Variants in BMP5 observed in about 807,000 individuals in gnomAD.
The protein encoded by BMP5 is bone morphogenetic protein 5.
Under a neutral mutation model 46.6 loss-of-function variants are expected in BMP5, and 23 were observed. The observed-to-expected ratio is 0.49, with a 90% CI of 0.35 to 0.70. BMP5 has a LOEUF of 0.70. Among genes scored for constraint, BMP5 ranks in the 30% least tolerant of loss-of-function variants. The probability of loss-of-function intolerance (pLI) is 0.00; values close to 1 mark genes in which losing one functional copy is unlikely to be tolerated. For synonymous variants in BMP5, 204 were observed against 191.9 expected, an observed-to-expected ratio of 1.06 and a Z score of -0.52; for missense variants, 545 against 565.6, an observed-to-expected ratio of 0.96 and a Z score of 0.37.
chr6:55,872,530 A>C (rs1371839949), intron 1 of BMP5, among the ~76,000 whole-genome samples: 1 of 151,682 alleles, frequency 6.6e-6, no homozygotes, highest in Non-Finnish European at 1.5e-5. Context: ...CTCAATAATA[A>C]AAAAGTTATA....
chr6:55,758,217 C>T (rs961389923), intron 6 of BMP5, among the ~76,000 whole-genome samples: 10 of 151,794 alleles, frequency 6.6e-5, no homozygotes, highest in African/African-American at 2.2e-4. Context: ...TTTATATTAG[C>T]CCAAACATTG....
intron 2 of BMP5, among the ~76,000 whole-genome samples, chr6:55,812,664 A>G (rs754667658): frequency 1.3e-5 from 2 of 152,220 alleles, no homozygotes; most frequent in African/African-American, 4.8e-5. Context: ...TTTAACTGAA[A>G]ATACGAAGTA....
intron 1 of BMP5, among the ~76,000 whole-genome samples, chr6:55,836,129 A>G (rs1223411436): frequency 6.6e-6 from 1 of 152,196 alleles, no homozygotes; most frequent in Non-Finnish European, 1.5e-5. Context: ...GACTCACAAA[A>G]TATCACAGGA....
rs981306180 is a variant in BMP5, at chr6:55,760,490, T to A, written c.1071A>T (p.Glu357Asp). 2.5e-6 allele frequency: 4 copies of A among 1,613,048 alleles called. No individual in the cohort carries two copies. Among genetic ancestry groups the A allele is most frequent in the Non-Finnish European group, 3.4e-6 (4 of 1,179,304 alleles). Residue 357 changes from glutamate to aspartate, a missense_variant, in exon 5 of 7, where the codon GAA becomes GAT. Transcript: ENST00000370830. ...SEQKQACKKH[E>D]LYVSFRDLGW... ...CCAGATCCCGGAAGCTCACATAGAG[T>A]TCGTGCTTCTTACAGGCTTGTTTTT...
chr6:55,808,193 C>T (rs1242837214), intron 2 of BMP5, among the ~76,000 whole-genome samples: 3 of 152,136 alleles, frequency 2.0e-5, no homozygotes, highest in Admixed American at 6.5e-5. Context: ...TTTAGAAGCT[C>T]CTGCAGGAAG....
intron 2 of BMP5, among the ~76,000 whole-genome samples, chr6:55,795,066 T>C (rs571197782): frequency 6.6e-6 from 1 of 152,274 alleles, no homozygotes; most frequent in South Asian, 2.1e-4. Context: ...GCTGTGAATA[T>C]GAACTTACTT....
chr6:55,793,286 T>C (rs917681331), intron 3 of BMP5, among the ~76,000 whole-genome samples: 22 of 152,194 alleles, frequency 1.4e-4, no homozygotes, highest in African/African-American at 5.1e-4. Flanking sequence ...CCCCAACTTC[T>C]TCCCCTAATC....
rs562318914 is a variant in BMP5, at chr6:55,874,869, T to G, written c.-4A>C. The G allele has an allele frequency of 9.9e-6, 16 of 1,612,916 alleles. 1 individual carries two copies. In the South Asian group the frequency reaches 1.5e-4, roughly 16 times the overall value. On this transcript the variant is annotated 5_prime_UTR_variant, in exon 1 of 7. Transcript: ENST00000370830. ...GTAAAAATACAGTCAGATGCATTTT[T>G]GTCCAAAAGCAAAAGTTGATATTTT...
Position 55,819,698 on chromosome 6 carries a change from T to C in BMP5, c.640A>G (p.Ile214Val), listed in dbSNP as rs1361619185. The C allele has an allele frequency of 3.1e-6, 5 of 1,613,648 alleles. No individual in the cohort carries two copies. The highest frequency in any genetic ancestry group is 3.3e-5 in the Admixed American group (2 of 59,910). Residue 214 changes from isoleucine (I) to valine (V), a missense_variant, in exon 2 of 7, where the codon ATT becomes GTT. Physicochemically the swap from Ile to Val is conservative, Grantham distance 29. Coordinates refer to ENST00000370830, the MANE Select transcript of BMP5 (RefSeq NM_021073.4). Reference sequence around the variant, plus strand: ...ATGATTTGATATATGCTAATCTTAATTGTTTCATTTTCAAATCGGTTGTTG... The same window carrying C: ...ATGATTTGATATATGCTAATCTTAACTGTTTCATTTTCAAATCGGTTGTTG... ...RSNNRFENET[I>V]KISIYQIIKE...
chr6:55,808,325 C>T (rs1346312099), intron 2 of BMP5, among the ~76,000 whole-genome samples: 1 of 152,164 alleles, frequency 6.6e-6, no homozygotes, highest in Non-Finnish European at 1.5e-5. Flanking sequence ...CATCCAGTCT[C>T]CCTGGGTCCA....
intron 1 of BMP5, among the ~76,000 whole-genome samples, chr6:55,838,329 G>A (rs908111909): frequency 1.3e-5 from 2 of 152,106 alleles, no homozygotes; most frequent in African/African-American, 2.4e-5. Flanking sequence ...TTGGATATAA[G>A]CCATATTAAC....
intron 2 of BMP5, among the ~76,000 whole-genome samples, chr6:55,801,250 G>C (rs1232109340): frequency 6.6e-6 from 1 of 152,194 alleles, no homozygotes; most frequent in Non-Finnish European, 1.5e-5. Flanking sequence ...CTACCTTGTG[G>C]TCAAGTGTTA....
Position 55,842,747 on chromosome 6 carries a change from T to C in BMP5, c.491-22900A>G, listed in dbSNP as rs535172618. 3.3e-5 allele frequency among the ~76,000 whole-genome samples: 5 copies of C among 152,174 alleles called. 1 individual carries two copies. The highest frequency in any genetic ancestry group is 1.2e-4 in the African/African-American group (5 of 41,532). ...CCTCCACTGTCTGCTGTCTGATACC[T>C]AGAAAAGTTGCCTTATTTTTTTTTT... On this transcript the variant is annotated intron_variant, in intron 1 of 6. Coordinates refer to ENST00000370830, the MANE Select transcript of BMP5 (RefSeq NM_021073.4).
At chr6:55,798,229 A>G (rs115129336) in intron 2 of BMP5, among the ~76,000 whole-genome samples, 2,279 of 152,274 alleles carry the variant, frequency 0.015, 74 homozygotes, top group African/African-American at 0.052. Context: ...CAAAGACCCT[A>G]TGTCCAAAAA....
chr6:55,869,442 C>T (rs867874246), intron 1 of BMP5, among the ~76,000 whole-genome samples: 1 of 152,008 alleles, frequency 6.6e-6, no homozygotes, highest in Non-Finnish European at 1.5e-5. Flanking sequence ...CTATATCTCA[C>T]TCTTCGTCTC....
intron 1 of BMP5, among the ~76,000 whole-genome samples, chr6:55,867,793 T>G (rs1366718109): frequency 2.0e-5 from 3 of 152,192 alleles, no homozygotes; most frequent in Admixed American, 6.5e-5. Context: ...GAAGGTGATC[T>G]TATTATCTGC....
intron 1 of BMP5, among the ~76,000 whole-genome samples, chr6:55,839,387 A>G (rs1035401669): frequency 2.0e-5 from 3 of 152,120 alleles, no homozygotes; most frequent in African/African-American, 7.2e-5. Context: ...CAGTGGTACA[A>G]TCATAGCTCA....
chr6:55,778,608 T>C (rs2127523067), intron 3 of BMP5, among the ~76,000 whole-genome samples: 1 of 152,118 alleles, frequency 6.6e-6, no homozygotes, highest in South Asian at 2.1e-4. Context: ...TTTTAAGAAA[T>C]ATTTATACCT....
chr6:55,820,068 A>C (rs1582092415), intron 1 of BMP5, among the ~76,000 whole-genome samples: 2 of 152,204 alleles, frequency 1.3e-5, no homozygotes, highest in African/African-American at 4.8e-5. Flanking sequence ...GGTTTTATAC[A>C]AATTCCTGGA....
Sources: allele counts gnomAD v4.1 joint callset (sites outside exome capture counted in the v4.1 genomes callset), GRCh38; gene constraint gnomAD v4.1.1; transcripts MANE v1.5; gene names NCBI Gene and HGNC (gene_info 2026-07-23, HGNC 2026-07-21).